Variants in ZC3H13 observed in about 807,000 individuals in gnomAD.
ZC3H13 encodes the protein zinc finger CCCH-type containing 13.
In ZC3H13, 64 loss-of-function variants were observed where a neutral mutation model predicts 204.1. The observed-to-expected ratio is 0.31, with a 90% CI of 0.26 to 0.39. The LOEUF is 0.39. Ranked by LOEUF, ZC3H13 falls within the 10% of genes least tolerant of loss-of-function variation. The pLI is 1.00. For synonymous variants in ZC3H13, 667 were observed against 693.7 expected (o/e 0.96, Z 0.60); for missense variants, 1,833 against 2,082.7 (o/e 0.88, Z 2.33).
chr13:46,038,763 C>T (rs1373608319), intron 4 of ZC3H13, among the ~76,000 whole-genome samples: 2 of 152,314 alleles, frequency 1.3e-5, no homozygotes, highest in East Asian at 3.9e-4. Context: ...TGGCTCATGC[C>T]TGTAATCCCA....
chr13:45,981,788 T>C (rs961686442), intron 10 of ZC3H13, among the ~76,000 whole-genome samples: 1 of 150,328 alleles, frequency 6.7e-6, no homozygotes, highest in Non-Finnish European at 1.5e-5. Context: ...AAACACTGCA[T>C]ATTCTCACTC....
At chr13:46,026,554 G>C (rs2042557536) in intron 4 of ZC3H13, among the ~76,000 whole-genome samples, 1 of 151,856 alleles carries the variant, frequency 6.6e-6, no homozygotes, top group African/African-American at 2.4e-5. Context: ...AAAAGTGACT[G>C]TCTTAGGCTA....
intron 8 of ZC3H13, among the ~76,000 whole-genome samples, chr13:46,002,735 A>C (rs1378370752): frequency 6.6e-6 from 1 of 152,178 alleles, no homozygotes; most frequent in Non-Finnish European, 1.5e-5. Flanking sequence ...CACAGAAACA[A>C]AACAGGATGA....
chr13:46,044,429 G>A (rs1444403007), intron 3 of ZC3H13, among the ~76,000 whole-genome samples: 4 of 151,828 alleles, frequency 2.6e-5, no homozygotes, highest in Admixed American at 2.6e-4. Context: ...TTTATTAAAG[G>A]CAAAACGATG....
chr13:46,014,568 T>A (rs569145814), intron 5 of ZC3H13, among the ~76,000 whole-genome samples: 1 of 152,360 alleles, frequency 6.6e-6, no homozygotes, highest in South Asian at 2.1e-4. Context: ...TGTGTATCAG[T>A]TTTTAACCTC....
intron 11 of ZC3H13, among the ~76,000 whole-genome samples, chr13:45,976,825 C>A: frequency 6.6e-6 from 1 of 152,034 alleles, no homozygotes; most frequent in South Asian, 2.1e-4. Flanking sequence ...TGATAAAGAT[C>A]ATATTATAAT....
chr13:46,000,788 T>G (rs1028699209), intron 8 of ZC3H13, among the ~76,000 whole-genome samples: 1 of 152,250 alleles, frequency 6.6e-6, no homozygotes, highest in Admixed American at 6.5e-5. Flanking sequence ...AAGTTTTCAG[T>G]ATGCCTTCCT....
At chr13:45,991,811 A>G (rs796143706) in intron 8 of ZC3H13, among the ~76,000 whole-genome samples, 2 of 152,176 alleles carry the variant, frequency 1.3e-5, no homozygotes, top group South Asian at 4.1e-4. Flanking sequence ...CCAATCAAAC[A>G]CTTTTTAGTG....
At chr13:46,045,187 A>C (rs2043863962) in intron 2 of ZC3H13, 123 bp from the exon 3 acceptor site, 1 of 954,632 alleles carries the variant, frequency 1.0e-6, no homozygotes. Context: ...TTACTCCCCA[A>C]ATAATAAAAA....
chr13:46,033,721 T>A (rs1469675685), intron 4 of ZC3H13, among the ~76,000 whole-genome samples: 1 of 152,112 alleles, frequency 6.6e-6, no homozygotes, highest in Non-Finnish European at 1.5e-5. Context: ...TGATTCCACA[T>A]ATATAGTATG....
chr13:45,995,658 G>C (rs2138377486), intron 8 of ZC3H13, among the ~76,000 whole-genome samples: 1 of 152,298 alleles, frequency 6.6e-6, no homozygotes. Flanking sequence ...CTTTAGAACA[G>C]GTAATCAAGT....
Position 45,969,500 on chromosome 13 carries a change from T to A in ZC3H13, c.3044A>T (p.Asp1015Val), listed in dbSNP as rs745702056. The A allele has an allele frequency of 1.2e-6, 2 of 1,608,392 alleles. No individual in the cohort carries two copies. The highest frequency in any genetic ancestry group is 1.7e-6 in the Non-Finnish European group (2 of 1,178,640). ...CTGGGCTGCTTCTTCATCAGAAATATCAGAATCACCTTTGGATTTTTTACG... is the reference window on the plus strand; with the variant it reads ...CTGGGCTGCTTCTTCATCAGAAATAACAGAATCACCTTTGGATTTTTTACG... ...KKRKKSKGDS[D>V]ISDEEAAQQS... Residue 1015 changes from aspartate to valine, a missense_variant, in exon 14 of 19, where the codon GAT becomes GTT. Asp to Val is a radical substitution (Grantham distance 152). Coordinates refer to ENST00000679008, the MANE Select transcript of ZC3H13 (RefSeq NM_001330564.2).
intron 4 of ZC3H13, among the ~76,000 whole-genome samples, chr13:46,036,905 G>A (rs2139071455): frequency 6.6e-6 from 1 of 152,060 alleles, no homozygotes; most frequent in East Asian, 1.9e-4. Context: ...TTTTAGTAGA[G>A]ACGGGGTTTT....
chr13:45,978,578 AAGTC>A (rs1953266519), intron 11 of ZC3H13, among the ~76,000 whole-genome samples: 1 of 152,074 alleles, frequency 6.6e-6, no homozygotes, highest in South Asian at 2.1e-4. Context: ...TGTAAAGACT[AAGTC>A]AGAATATATG....
chr13:45,975,432 T>G lies in ZC3H13; in HGVS notation c.2319A>C (p.Glu773Asp). The G allele has an allele frequency of 6.2e-7, 1 of 1,613,858 alleles. No individual in the cohort carries two copies. Among genetic ancestry groups the G allele is most frequent in the Non-Finnish European group, 8.5e-7 (1 of 1,179,904 alleles). The change falls in exon 12 of 19, where the codon GAA (glutamate) becomes GAC (aspartate). Residue 773 changes from glutamate to aspartate, a missense_variant. Coordinates refer to ENST00000679008, the MANE Select transcript of ZC3H13 (RefSeq NM_001330564.2). ...TATCCCTTTCTCTCGCTCTTTCTCG[T>G]TCCCGTTCTCGCTCTCGCTCTCTCT... ...ERERERERER[E>D]RERARERDKE... is the part of the protein sequence containing the mutation.
intron 9 of ZC3H13, among the ~76,000 whole-genome samples, chr13:45,986,745 T>C (rs1226234946): frequency 6.6e-6 from 1 of 152,218 alleles, no homozygotes; most frequent in African/African-American, 2.4e-5. Flanking sequence ...TACTCTGGAA[T>C]TGCCCTAGTC....
chr13:45,980,220 T>C (rs1228553625), intron 10 of ZC3H13, among the ~76,000 whole-genome samples: 1 of 152,006 alleles, frequency 6.6e-6, no homozygotes, highest in Non-Finnish European at 1.5e-5. Context: ...TCCCTACCTA[T>C]ATAAAAGTCA....
intron 1 of ZC3H13, among the ~76,000 whole-genome samples, chr13:46,048,301 G>C (rs1053675741): frequency 2.6e-5 from 4 of 152,100 alleles, no homozygotes; most frequent in African/African-American, 9.7e-5. Context: ...GATTTCGCCG[G>C]GCGCGGTGGC....
intron 10 of ZC3H13, 72 bp downstream of exon 10, chr13:45,985,225 C>T: frequency 7.4e-7 from 1 of 1,359,146 alleles, no homozygotes; most frequent in Non-Finnish European, 9.9e-7. Flanking sequence ...TAAGAAACAA[C>T]ATATTAGAAA....
Sources: allele counts gnomAD v4.1 joint callset (sites outside exome capture counted in the v4.1 genomes callset), GRCh38; gene constraint gnomAD v4.1.1; transcripts MANE v1.5; gene names NCBI Gene and HGNC (gene_info 2026-07-23, HGNC 2026-07-21).